The following SH3RF3 variants were observed in gnomAD, a reference collection of about 807,000 sequenced individuals.
SH3RF3 encodes the protein SH3 domain containing ring finger 3.
A neutral mutation model predicts 66.3 loss-of-function variants in SH3RF3; 29 were observed. The observed-to-expected ratio is 0.44, with a 90% confidence interval of 0.33 to 0.60. SH3RF3 has a LOEUF of 0.60. Ranked by LOEUF, SH3RF3 falls within the 20% of genes least tolerant of loss-of-function variation. SH3RF3 has a pLI of 0.04. For missense variants in SH3RF3, 1,194 were observed against 1,190.9 expected (o/e 1.00, Z -0.04); for synonymous variants, 583 against 532.0 (o/e 1.10, Z -1.32).
At chr2:109,453,215 C>G (rs1173179436) in intron 8 of SH3RF3, among the ~76,000 whole-genome samples, 1 of 152,182 alleles carries the variant, frequency 6.6e-6, no homozygotes, top group African/African-American at 2.4e-5. Context: ...AGGAACCTCT[C>G]CAGCCTACTC....
At chr2:109,336,493 G>C (rs10177863) in intron 1 of SH3RF3, among the ~76,000 whole-genome samples, 41,307 of 152,058 alleles carry the variant, frequency 0.27, 7,275 homozygotes, top group African/African-American at 0.5. Flanking sequence ...CGGCTAGCAC[G>C]TGCTGAGGAC....
intron 7 of SH3RF3, among the ~76,000 whole-genome samples, chr2:109,445,259 G>A (rs946242685): frequency 3.9e-5 from 6 of 152,338 alleles, no homozygotes; most frequent in Non-Finnish European, 8.8e-5. Flanking sequence ...GGGACAGAGA[G>A]AAGATTCAAA....
At chr2:109,225,043 G>A (rs1202900679) in intron 1 of SH3RF3, among the ~76,000 whole-genome samples, 2 of 152,132 alleles carry the variant, frequency 1.3e-5, no homozygotes, top group Non-Finnish European at 2.9e-5. Flanking sequence ...AAGTGACTGA[G>A]ACATAGCTTT....
At chr2:109,432,139 A>G (rs1418898245) in intron 5 of SH3RF3, among the ~76,000 whole-genome samples, 1 of 152,186 alleles carries the variant, frequency 6.6e-6, no homozygotes, top group Non-Finnish European at 1.5e-5. Context: ...AACACTGGAA[A>G]TCCAAAGAGC....
intron 1 of SH3RF3, among the ~76,000 whole-genome samples, chr2:109,172,973 A>T (rs1677822915): frequency 6.6e-6 from 1 of 152,238 alleles, no homozygotes; most frequent in East Asian, 1.9e-4. Context: ...AGTGTCATGT[A>T]TGACCTTGCG....
intron 1 of SH3RF3, among the ~76,000 whole-genome samples, chr2:109,295,306 A>G (rs916428854): frequency 2.0e-4 from 30 of 152,310 alleles, no homozygotes; most frequent in African/African-American, 7.0e-4. Context: ...CCCAATTTGT[A>G]GATGAGGAAA....
In SH3RF3 at chr2:109,503,431, G is replaced by T. The variant is rs565313438; in HGVS notation, c.*1760G>T. ...TCCAGGTGGTCACCACACGGCGGGGGTCATGCCTTTCCCTCCCCCAAGATG... is the reference window on the plus strand; with the variant it reads ...TCCAGGTGGTCACCACACGGCGGGGTTCATGCCTTTCCCTCCCCCAAGATG... On this transcript the variant is annotated 3_prime_UTR_variant, in exon 10 of 10. Coordinates refer to ENST00000309415, the MANE Select transcript of SH3RF3 (RefSeq NM_001099289.3). 2.0e-5 allele frequency: 3 copies of T among 152,188 alleles called. No homozygotes were observed. Among genetic ancestry groups the T allele is most frequent in the African/African-American group, 7.2e-5 (3 of 41,492 alleles). 9.4% of individuals were successfully genotyped at this position (152,188 alleles called of 1,614,324 possible).
At position 109,274,363 on chromosome 2, in the gene SH3RF3, C is replaced by T. The variant is rs191202244; in HGVS notation, c.574-73311C>T. Among the ~76,000 whole-genome samples, 303 of 152,200 alleles carry T rather than the reference C, an allele frequency of 2.0e-3. 1 individual carries two copies. The highest frequency in any genetic ancestry group is 3.6e-3 in the Non-Finnish European group (243 of 68,022). On this transcript the variant is annotated intron_variant, in intron 1 of 9. Transcript: ENST00000309415. ...CATAGCAGCCCTATTTACACAGTAG[C>T]GAAAAGGTGGGACCAGCCCAAGTGT...
intron 2 of SH3RF3, among the ~76,000 whole-genome samples, chr2:109,356,883 C>G (rs1682954255): frequency 1.3e-5 from 2 of 152,102 alleles, no homozygotes; most frequent in African/African-American, 2.4e-5. Flanking sequence ...AGCGCTCTCA[C>G]TTCCCAGGCT....
intron 1 of SH3RF3, among the ~76,000 whole-genome samples, chr2:109,155,451 C>T (rs1254313770): frequency 2.0e-5 from 3 of 151,990 alleles, no homozygotes; most frequent in African/African-American, 2.4e-5. Flanking sequence ...TACAGGCGCC[C>T]ACCACCACGC....
At chr2:109,498,046 G>A (rs1375943085) in intron 9 of SH3RF3, among the ~76,000 whole-genome samples, 3 of 152,136 alleles carry the variant, frequency 2.0e-5, no homozygotes, top group African/African-American at 4.8e-5. Context: ...TTCACAGACC[G>A]CTGGCTGCAT....
chr2:109,168,783 A>G (rs1171710259), intron 1 of SH3RF3, among the ~76,000 whole-genome samples: 3 of 152,224 alleles, frequency 2.0e-5, no homozygotes, highest in Non-Finnish European at 1.5e-5. Flanking sequence ...GTAGGAATTA[A>G]GCCTGAACAG....
intron 1 of SH3RF3, among the ~76,000 whole-genome samples, chr2:109,275,332 G>C (rs10496429): frequency 0.35 from 53,794 of 151,996 alleles, 9,603 homozygotes; most frequent in South Asian, 0.41. Context: ...CCAGGCTTCA[G>C]TTTATATTTG....
At chr2:109,255,993 T>C (rs1251785307) in intron 1 of SH3RF3, among the ~76,000 whole-genome samples, 1 of 152,328 alleles carries the variant, frequency 6.6e-6, no homozygotes, top group Middle Eastern at 3.4e-3. Flanking sequence ...GAAGATTCCC[T>C]GTGTGTGCTT....
At chr2:109,171,224 A>G (rs1265326028) in intron 1 of SH3RF3, among the ~76,000 whole-genome samples, 1 of 152,230 alleles carries the variant, frequency 6.6e-6, no homozygotes, top group Non-Finnish European at 1.5e-5. Flanking sequence ...ATATAACCAT[A>G]TTATGGCTGT....
At chr2:109,476,183 A>G (rs1447313400) in intron 8 of SH3RF3, among the ~76,000 whole-genome samples, 1 of 152,224 alleles carries the variant, frequency 6.6e-6, no homozygotes, top group Non-Finnish European at 1.5e-5. Flanking sequence ...TCTATAAGGG[A>G]TAAGCTGTTA....
chr2:109,243,737 A>G (rs1679843666), intron 1 of SH3RF3, among the ~76,000 whole-genome samples: 1 of 152,226 alleles, frequency 6.6e-6, no homozygotes, highest in East Asian at 1.9e-4. Context: ...TGGTGTTTTC[A>G]GAGAACCTCG....
At chr2:109,130,441 C>T (rs1428428765) in intron 1 of SH3RF3, among the ~76,000 whole-genome samples, 3 of 152,222 alleles carry the variant, frequency 2.0e-5, no homozygotes, top group African/African-American at 4.8e-5. Context: ...CGGGGACCTT[C>T]TTCCTCTGGG....
chr2:109,459,221 T>C (rs942821384), intron 8 of SH3RF3, among the ~76,000 whole-genome samples: 3 of 152,144 alleles, frequency 2.0e-5, no homozygotes, highest in African/African-American at 7.2e-5. Context: ...AAAACAAAGG[T>C]ACTGCTTAAT....
Sources: gnomAD v4.1 joint callset for allele counts (sites outside exome capture counted in the v4.1 genomes callset) on GRCh38, gnomAD v4.1.1 for gene constraint, MANE v1.5 for transcripts, NCBI Gene and HGNC (gene_info 2026-07-23, HGNC 2026-07-21) for gene names.